Variants in TMEM52B observed in about 807,000 individuals in gnomAD.
TMEM52B encodes the protein transmembrane protein 52B, also known as chromosome 12 open reading frame 59.
A neutral mutation model predicts 16.1 loss-of-function variants in TMEM52B; 11 were observed. That is an observed-to-expected ratio of 0.68 (90% CI 0.43 to 1.13). The LOEUF is 1.13. TMEM52B is among the 50% of genes most tolerant of loss of function. The pLI is 0.00. For missense variants in TMEM52B, 243 were observed against 230.4 expected, an observed-to-expected ratio of 1.05 and a Z score of -0.35; for synonymous variants, 101 against 93.8, an observed-to-expected ratio of 1.08 and a Z score of -0.45.
Position 10,191,079 on chromosome 12 carries a change from G to C in TMEM52B, c.*939G>C, listed in dbSNP as rs1381675040. On this transcript the variant is annotated 3_prime_UTR_variant, in exon 5 of 5. Transcript: ENST00000543484. ...ACTAAATGCTGAACTAAGCCTGGTTGAGATGCTTCCCATGGACCATGCCGC... is the reference window on the plus strand; with the variant it reads ...ACTAAATGCTGAACTAAGCCTGGTTCAGATGCTTCCCATGGACCATGCCGC... 1.3e-5 allele frequency: 2 copies of C among 152,248 alleles called. No individual in the cohort carries two copies. The highest frequency in any genetic ancestry group is 2.9e-5 in the Non-Finnish European group (2 of 68,070). The allele number at this position is 152,248 out of a possible 1,614,324, so 9.4% of individuals were successfully genotyped here.
At chr12:10,173,834 C>G (rs1257074504) in intron 1 of TMEM52B, among the ~76,000 whole-genome samples, 1 of 150,446 alleles carries the variant, frequency 6.6e-6, no homozygotes, top group Non-Finnish European at 1.5e-5. Context: ...ATTATCATTT[C>G]TACAGTGACT....
chr12:10,177,864 T>C (rs1948779306), upstream of TMEM52B, among the ~76,000 whole-genome samples: 1 of 151,220 alleles, frequency 6.6e-6, no homozygotes, highest in African/African-American at 2.4e-5. Flanking sequence ...TACTTAAGTA[T>C]AAATCATTCA....
At position 10,185,406 on chromosome 12, in the gene TMEM52B, TC is replaced by T. The variant is rs774264160; in HGVS notation, c.137+40del. 14 of 1,514,202 alleles carry T rather than the reference TC, an allele frequency of 9.2e-6. No homozygotes were observed. In the African/African-American group the frequency reaches 1.2e-4, roughly 13 times the overall value. 93.8% of individuals were successfully genotyped at this position (1,514,202 alleles called of 1,614,324 possible). On this transcript the variant is annotated intron_variant, in intron 3 of 4. Coordinates refer to ENST00000543484, the MANE Select transcript of TMEM52B (RefSeq NM_001384896.1). The stretch of plus-strand genomic sequence containing the variant: ...TATAATACCCAGAAAGACACTGTAT[TC>T]CTCAAGGCCATTAAAAATGACAACC...
At chr12:10,187,811 A>G (rs1372714214) in intron 4 of TMEM52B, among the ~76,000 whole-genome samples, 2 of 152,058 alleles carry the variant, frequency 1.3e-5, no homozygotes, top group Non-Finnish European at 2.9e-5. Flanking sequence ...TTGAAAAGAG[A>G]GTGATGGCTG....
intron 2 of TMEM52B, among the ~76,000 whole-genome samples, chr12:10,183,049 T>G (rs1443010953): frequency 6.6e-6 from 1 of 152,226 alleles, no homozygotes; most frequent in Non-Finnish European, 1.5e-5. Flanking sequence ...GCTATCACTT[T>G]GATGTAGTTA....
At chr12:10,176,048 G>A (rs1308296974), upstream of TMEM52B, among the ~76,000 whole-genome samples, 1 of 152,214 alleles carries the variant, frequency 6.6e-6, no homozygotes, top group Non-Finnish European at 1.5e-5. Context: ...ATAAGCTAAT[G>A]ATTCACAAGC....
rs528379001 is a variant in TMEM52B, at chr12:10,190,687, A to G, written c.*547A>G. ...AGGGATGGCATTGCTGATATGGGCAAAGAGAACACAGTATAGTATTTAAGT... is the reference window on the plus strand; with the variant it reads ...AGGGATGGCATTGCTGATATGGGCAGAGAGAACACAGTATAGTATTTAAGT... On this transcript the variant is annotated 3_prime_UTR_variant, in exon 5 of 5. Coordinates refer to ENST00000543484, the MANE Select transcript of TMEM52B (RefSeq NM_001384896.1). The G allele has an allele frequency of 6.0e-6, 1 of 165,326 alleles. No homozygotes were observed. The highest frequency in any genetic ancestry group is 5.5e-5 in the Admixed American group (1 of 18,134). 10.2% of individuals were successfully genotyped at this position (165,326 alleles called of 1,614,324 possible).
intron 2 of TMEM52B, among the ~76,000 whole-genome samples, chr12:10,184,325 C>A (rs1948855806): frequency 6.6e-6 from 1 of 152,184 alleles, no homozygotes; most frequent in South Asian, 2.1e-4. Flanking sequence ...CTGTGAGCTG[C>A]TCTAACAAAT....
chr12:10,186,322 A>C, intron 3 of TMEM52B, 98 bp from the exon 4 acceptor site: 1 of 838,428 alleles, frequency 1.2e-6, no homozygotes, highest in Non-Finnish European at 1.7e-6. Flanking sequence ...TAAAATGTTT[A>C]GACAAGAATC....
chr12:10,171,881 G>A (rs577801146), intron 1 of TMEM52B: 3 of 660,570 alleles, frequency 4.5e-6, no homozygotes, highest in Admixed American at 2.8e-5. Flanking sequence ...TAAGTAAATG[G>A]TATTAATTCT....
At position 10,185,379 on chromosome 12, in the gene TMEM52B, C is replaced by T. The variant is rs1285370879; in HGVS notation, c.137+11C>T. The stretch of plus-strand genomic sequence containing the variant: ...TCTCTGGTATATATGGTAAGTTTCA[C>T]TTATAATACCCAGAAAGACACTGTA... On this transcript the variant is annotated intron_variant, in intron 3 of 4. Coordinates refer to ENST00000543484, the MANE Select transcript of TMEM52B (RefSeq NM_001384896.1). 1.9e-6 allele frequency: 3 copies of T among 1,597,088 alleles called. No homozygotes were observed. The highest frequency in any genetic ancestry group is 2.6e-6 in the Non-Finnish European group (3 of 1,164,588).
intron 1 of TMEM52B, chr12:10,170,954 A>C (rs1948710384): frequency 6.6e-6 from 1 of 152,134 alleles, no homozygotes; most frequent in South Asian, 2.1e-4. Flanking sequence ...CCAATCATAA[A>C]CCAATCCGAT....
chr12:10,186,109 C>T (rs977802294), intron 3 of TMEM52B, among the ~76,000 whole-genome samples: 1 of 151,472 alleles, frequency 6.6e-6, no homozygotes, highest in Non-Finnish European at 1.5e-5. Context: ...AGGCTGAGAT[C>T]GTGCCACTTC....
At chr12:10,184,422 C>T (rs867208294) in intron 2 of TMEM52B, among the ~76,000 whole-genome samples, 1 of 152,214 alleles carries the variant, frequency 6.6e-6, no homozygotes, top group Middle Eastern at 3.4e-3. Context: ...TGATTGGCAT[C>T]AGAATTCTGG....
intron 4 of TMEM52B, among the ~76,000 whole-genome samples, chr12:10,189,079 T>C (rs1948923268): frequency 7.3e-6 from 1 of 136,474 alleles, no homozygotes; most frequent in South Asian, 2.3e-4. Flanking sequence ...CACATGCCTG[T>C]AATCCCAGCT....
rs991076025 is a variant in TMEM52B at position 10,191,044 on chromosome 12, T to G, written c.*904T>G. The stretch of plus-strand genomic sequence containing the variant: ...CCTATCTGCACATCTCTCGAGTTCT[T>G]GGAGCAAAAACTAAATGCTGAACTA... On this transcript the variant is annotated 3_prime_UTR_variant, in exon 5 of 5. Coordinates refer to ENST00000543484, the MANE Select transcript of TMEM52B (RefSeq NM_001384896.1). The G allele has an allele frequency of 4.6e-5, 7 of 151,634 alleles. No individual in the cohort carries two copies. The allele number at this position is 151,634 out of a possible 1,614,324, so 9.4% of individuals were successfully genotyped here.
At chr12:10,178,522 C>CA (rs56217145), upstream of TMEM52B, among the ~76,000 whole-genome samples, 222 of 109,702 alleles carry the variant, frequency 2.0e-3, no homozygotes, top group African/African-American at 4.0e-3. Flanking sequence ...GACTCCGTCT[C>CA]AAAAAAAAAA....
upstream of TMEM52B, among the ~76,000 whole-genome samples, chr12:10,178,178 A>G (rs956825743): frequency 4.0e-5 from 6 of 150,268 alleles, no homozygotes; most frequent in Non-Finnish European, 5.9e-5. Context: ...TACAGGCATG[A>G]GCCATGGCAC....
chr12:10,187,973 C>T (rs1156492826), intron 4 of TMEM52B, among the ~76,000 whole-genome samples: 1 of 152,058 alleles, frequency 6.6e-6, no homozygotes, highest in Non-Finnish European at 1.5e-5. Context: ...GTGGCACACA[C>T]CTGCAATCCC....
Sources: gnomAD v4.1 joint callset for allele counts (sites outside exome capture counted in the v4.1 genomes callset) on GRCh38, gnomAD v4.1.1 for gene constraint, MANE v1.5 for transcripts, NCBI Gene and HGNC (gene_info 2026-07-23, HGNC 2026-07-21) for gene names.